NHS: variants seen among roughly 807,000 people sequenced by gnomAD.
NHS encodes actin remodeling regulator NHS.
Under a neutral mutation model 72.5 loss-of-function variants are expected in NHS, and 5 were observed. That is an observed-to-expected ratio of 0.07 (90% CI 0.04 to 0.14). The LOEUF is 0.14. Among genes scored for constraint, NHS ranks in the 10% least tolerant of loss-of-function variants. The pLI is 1.00. For missense variants in NHS, 1,072 were observed against 1,355.7 expected (o/e 0.79, Z 3.29); for synonymous variants, 464 against 547.7 (o/e 0.85, Z 2.13).
At chrX:17,566,346 TTCTC>T (rs1480542276) in intron 1 of NHS, among the ~76,000 whole-genome samples, 1 of 111,346 alleles carries the variant, frequency 9.0e-6, no homozygotes, top group African/African-American at 3.3e-5. Context: ...AGGAAGCCCT[TTCTC>T]TATTATGTAA....
At chrX:17,494,076 CTTTTTTTTTTTT>C (rs749475125) in intron 1 of NHS, among the ~76,000 whole-genome samples, 12 of 73,317 alleles carry the variant, frequency 1.6e-4, no homozygotes, top group African/African-American at 6.0e-4. Flanking sequence ...TCCTGGATGA[CTTTTTTTTTTTT>C]TTTTTTTTTT....
chrX:17,470,935 G>A (rs1301255157), intron 1 of NHS, among the ~76,000 whole-genome samples: 1 of 110,877 alleles, frequency 9.0e-6, no homozygotes, highest in African/African-American at 3.3e-5. Flanking sequence ...GGATGGCAGT[G>A]GGGGGGTGTT....
chrX:17,466,854 A>G (rs767888116), intron 1 of NHS, among the ~76,000 whole-genome samples: 9 of 111,530 alleles, frequency 8.1e-5, no homozygotes, highest in African/African-American at 2.9e-4. Flanking sequence ...GAAGCTGGAC[A>G]CTCTCTTTGC....
At position 17,452,401 on chromosome X, in the gene NHS, T is replaced by A. The variant is rs1312754686; in HGVS notation, c.565+76079T>A. Among the ~76,000 whole-genome samples, 3 of 111,585 alleles carry A rather than the reference T, an allele frequency of 2.7e-5. No homozygotes were observed. The South Asian group carries it at 1.1e-3, about 42-fold the overall frequency. ...CAGAGACAGGAACTAAAGGATAATCTAAATCTGGGGCCTCCCCGGTGACCC... is the reference window on the plus strand; with the variant it reads ...CAGAGACAGGAACTAAAGGATAATCAAAATCTGGGGCCTCCCCGGTGACCC... On this transcript the variant is annotated intron_variant, in intron 1 of 8. Coordinates refer to ENST00000676302, the MANE Select transcript of NHS (RefSeq NM_001291867.2).
intron 1 of NHS, among the ~76,000 whole-genome samples, chrX:17,408,510 T>G (rs2064540456): frequency 9.0e-6 from 1 of 111,364 alleles, no homozygotes; most frequent in African/African-American, 3.3e-5. Context: ...TGTCTTTGTG[T>G]CCCCAGCCCC....
intron 3 of NHS, among the ~76,000 whole-genome samples, chrX:17,692,806 A>C (rs1357188722): frequency 9.1e-6 from 1 of 110,345 alleles, no homozygotes; most frequent in Non-Finnish European, 1.9e-5. Flanking sequence ...CTTTGCCCTC[A>C]GTTCCCTCAT....
chrX:17,392,835 G>T (rs920857789), intron 1 of NHS, among the ~76,000 whole-genome samples: 3 of 112,100 alleles, frequency 2.7e-5, no homozygotes, highest in African/African-American at 9.7e-5. Flanking sequence ...AACATTTTCA[G>T]CCCTCTAGAA....
chrX:17,655,056 G>C (rs1601819842), intron 1 of NHS, among the ~76,000 whole-genome samples: 2 of 112,170 alleles, frequency 1.8e-5, no homozygotes, highest in Non-Finnish European at 3.8e-5. Flanking sequence ...TCTAGGATGC[G>C]AGGTTTCAGC....
chrX:17,430,257 C>T (rs867606388), intron 1 of NHS, among the ~76,000 whole-genome samples: 2 of 35,568 alleles, frequency 5.6e-5, no homozygotes, highest in African/African-American at 2.2e-4. Context: ...TCCCCTCTTT[C>T]TTTTTCTTTC....
In NHS at chrX:17,732,518, T is replaced by C. The variant is rs2066495836; in HGVS notation, c.*54T>C. 6 of 1,208,663 alleles carry C rather than the reference T, an allele frequency of 5.0e-6. No homozygotes were observed. ...GCCAAAACCCTTACTCACATGAGGA[T>C]GGAGGAACAGAACAGAGGACTTGGG... On this transcript the variant is annotated 3_prime_UTR_variant, in exon 9 of 9. Coordinates refer to ENST00000676302, the MANE Select transcript of NHS (RefSeq NM_001291867.2).
Position 17,699,167 on chromosome X carries a change from A to G in NHS, c.852+6699A>G, listed in dbSNP as rs182562497. On this transcript the variant is annotated intron_variant, in intron 3 of 8. Transcript: ENST00000676302. Reference sequence around the variant, plus strand: ...AAATCAGTTCTCTCTAAGTTACTTAATAAGTTTAACACAATTTCAATAAAA... The same window carrying G: ...AAATCAGTTCTCTCTAAGTTACTTAGTAAGTTTAACACAATTTCAATAAAA... 1.3e-3 allele frequency among the ~76,000 whole-genome samples: 147 copies of G among 112,217 alleles called. 1 individual carries two copies. Among genetic ancestry groups the G allele is most frequent in the African/African-American group, 4.4e-3 (137 of 30,933 alleles).
chrX:17,430,259 TTTTCTTTCTTTCTTTCTTTC>T lies in NHS; in HGVS notation c.565+53974_565+53993del, dbSNP rs56175001. 3.0e-3 allele frequency among the ~76,000 whole-genome samples: 153 copies of T among 51,564 alleles called. 1 individual carries two copies. The highest frequency in any genetic ancestry group is 6.2e-3 in the South Asian group (4 of 646). The allele number at this position is 51,564 out of a possible 115,157, so 44.8% of individuals were successfully genotyped here. A position where few individuals can be genotyped will look rare whatever the true frequency, so the allele number is the denominator to read the frequency against. On this transcript the variant is annotated intron_variant, in intron 1 of 8. Coordinates refer to ENST00000676302, the MANE Select transcript of NHS (RefSeq NM_001291867.2). ...CTCCCTCCCTCCCTCCCCTCTTTCT[TTTTCTTTCTTTCTTTCTTTC>T]TTTCTTTCTTTCTTTCTTTCTTTCT...
chrX:17,587,949 G>A (rs1452721793), intron 1 of NHS, among the ~76,000 whole-genome samples: 2 of 112,323 alleles, frequency 1.8e-5, no homozygotes, highest in Non-Finnish European at 1.9e-5. Context: ...AGAGACTACA[G>A]CGGGATGGCT....
chrX:17,503,389 A>G (rs1490398443), intron 1 of NHS, among the ~76,000 whole-genome samples: 1 of 112,318 alleles, frequency 8.9e-6, no homozygotes, highest in African/African-American at 3.2e-5. Context: ...TGCTTAAAGA[A>G]ACATTGATAT....
At chrX:17,590,608 G>T (rs2065598655) in intron 1 of NHS, among the ~76,000 whole-genome samples, 1 of 111,905 alleles carries the variant, frequency 8.9e-6, no homozygotes, top group Admixed American at 9.4e-5. Flanking sequence ...GCCAAAATGT[G>T]AAAATGATTA....
intron 1 of NHS, among the ~76,000 whole-genome samples, chrX:17,610,284 GA>G (rs773082453): frequency 1.8e-5 from 2 of 111,706 alleles, no homozygotes; most frequent in Non-Finnish European, 3.8e-5. Flanking sequence ...ATAGGACAAG[GA>G]AAAAGAACTA....
Position 17,633,079 on chromosome X carries a change from TG to T in NHS, c.566-54662del, listed in dbSNP as rs1159629695. 1.8e-3 allele frequency among the ~76,000 whole-genome samples: 192 copies of T among 108,646 alleles called. 1 individual carries two copies. The highest frequency in any genetic ancestry group is 6.1e-3 in the African/African-American group (178 of 29,111). 94.3% of individuals were successfully genotyped at this position (108,646 alleles called of 115,157 possible). Reference sequence around the variant, plus strand: ...GCCTGAGACCCATAGGAAGGGTTTTTGTTTTTTTTTTTAGCGGGGGCGTTGC... The same window carrying T: ...GCCTGAGACCCATAGGAAGGGTTTTTTTTTTTTTTTTAGCGGGGGCGTTGC... On this transcript the variant is annotated intron_variant, in intron 1 of 8. Coordinates refer to ENST00000676302, the MANE Select transcript of NHS (RefSeq NM_001291867.2).
intron 3 of NHS, among the ~76,000 whole-genome samples, chrX:17,718,038 TGTA>T (rs1289924358): frequency 9.0e-6 from 1 of 111,436 alleles, no homozygotes; most frequent in Admixed American, 9.5e-5. Context: ...TAATAATTGT[TGTA>T]GTAGTAGCTG....
chrX:17,598,318 G>A (rs896496186), intron 1 of NHS, among the ~76,000 whole-genome samples: 1 of 112,219 alleles, frequency 8.9e-6, no homozygotes, highest in Non-Finnish European at 1.9e-5. Flanking sequence ...CTGGCCAGGC[G>A]CCAAGATAAT....
Sources: gnomAD v4.1 joint callset for allele counts (sites outside exome capture counted in the v4.1 genomes callset) on GRCh38, gnomAD v4.1.1 for gene constraint, MANE v1.5 for transcripts, NCBI Gene and HGNC (gene_info 2026-07-23, HGNC 2026-07-21) for gene names.